ANO4: variants seen among roughly 807,000 people sequenced by gnomAD.
ANO4 encodes anoctamin 4.
A neutral mutation model predicts 141.9 loss-of-function variants in ANO4; 69 were observed. That is an observed-to-expected ratio of 0.49 (90% confidence interval 0.40 to 0.59). The LOEUF (loss-of-function observed/expected upper bound fraction) is 0.59. ANO4 is among the 20% of genes least tolerant of loss of function. ANO4 has a pLI of 0.00. For missense variants in ANO4, 894 were observed against 1,162.2 expected (o/e 0.77, Z 3.36); for synonymous variants, 350 against 394.3 (o/e 0.89, Z 1.33).
intron 7 of ANO4, among the ~76,000 whole-genome samples, chr12:100,982,929 A>G (rs1950372428): frequency 1.3e-5 from 2 of 152,260 alleles, no homozygotes; most frequent in South Asian, 2.1e-4. Flanking sequence ...TAGAGATGAG[A>G]GCACTAAGGT....
At chr12:100,779,814 G>T (rs572944159) in intron 3 of ANO4, among the ~76,000 whole-genome samples, 104 of 152,284 alleles carry the variant, frequency 6.8e-4, no homozygotes, top group Middle Eastern at 3.4e-3. Context: ...CACATAGTAG[G>T]TGCTTGCCAT....
chr12:100,925,246 G>A (rs181709592), intron 3 of ANO4, among the ~76,000 whole-genome samples: 6 of 151,994 alleles, frequency 3.9e-5, no homozygotes, highest in Admixed American at 3.9e-4. Flanking sequence ...CATAAAAATA[G>A]GTAGCTTGGT....
At chr12:100,957,013 A>G (rs979596392) in intron 5 of ANO4, among the ~76,000 whole-genome samples, 8 of 152,260 alleles carry the variant, frequency 5.3e-5, no homozygotes, top group Non-Finnish European at 8.8e-5. Context: ...AGGGAGTTCT[A>G]AATAAACTCT....
intron 1 of ANO4, among the ~76,000 whole-genome samples, chr12:100,838,937 G>A (rs1422962153): frequency 6.6e-6 from 1 of 152,154 alleles, no homozygotes; most frequent in Non-Finnish European, 1.5e-5. Context: ...CCAATGGGCA[G>A]TATAGTTAGA....
At chr12:100,837,437 T>C (rs1191472735) in intron 1 of ANO4, among the ~76,000 whole-genome samples, 1 of 152,152 alleles carries the variant, frequency 6.6e-6, no homozygotes, top group Non-Finnish European at 1.5e-5. Flanking sequence ...TCTGCTATCG[T>C]ATCTTTTAAA....
intron 1 of ANO4, among the ~76,000 whole-genome samples, chr12:100,895,679 A>G (rs2040315664): frequency 6.7e-6 from 1 of 150,014 alleles, no homozygotes; most frequent in Admixed American, 6.6e-5. Context: ...CTCCTGTCTC[A>G]GTCTCCCGAG....
At chr12:100,948,864 A>G (rs550508451) in intron 5 of ANO4, among the ~76,000 whole-genome samples, 10 of 152,308 alleles carry the variant, frequency 6.6e-5, no homozygotes, top group East Asian at 1.9e-4. Flanking sequence ...GACAAATTTA[A>G]TGGGATGTCA....
At chr12:100,881,210 A>G (rs897558086) in intron 1 of ANO4, among the ~76,000 whole-genome samples, 1 of 151,996 alleles carries the variant, frequency 6.6e-6, no homozygotes, top group Non-Finnish European at 1.5e-5. Flanking sequence ...GGTACAGCAC[A>G]CCAACATGGC....
chr12:100,809,702 G>A (rs1422794353), intron 1 of ANO4, among the ~76,000 whole-genome samples: 12 of 152,224 alleles, frequency 7.9e-5, no homozygotes, highest in African/African-American at 2.9e-4. Flanking sequence ...TATGACATGC[G>A]CAAGAGGTTG....
chr12:100,913,510 ATTAG>A (rs145319359), intron 2 of ANO4, among the ~76,000 whole-genome samples: 3,467 of 152,246 alleles, frequency 0.023, 140 homozygotes, highest in African/African-American at 0.079. Flanking sequence ...CTATTTTGTT[ATTAG>A]TTATTGTTAT....
chr12:101,081,550 C>T (rs2049279272), intron 15 of ANO4, among the ~76,000 whole-genome samples: 1 of 152,192 alleles, frequency 6.6e-6, no homozygotes, highest in Non-Finnish European at 1.5e-5. Flanking sequence ...TGTGGAAATG[C>T]CTCACTTCTA....
intron 3 of ANO4, among the ~76,000 whole-genome samples, chr12:100,783,767 C>T (rs947037909): frequency 1.6e-4 from 24 of 152,166 alleles, no homozygotes; most frequent in African/African-American, 5.8e-4. Flanking sequence ...ATATTACTAG[C>T]CCACAACTGC....
At chr12:100,717,332 G>A (rs1300084189), upstream of ANO4, among the ~76,000 whole-genome samples, 1 of 151,342 alleles carries the variant, frequency 6.6e-6, no homozygotes, top group East Asian at 1.9e-4. Flanking sequence ...GGCGCAGCCC[G>A]GCCGGGGGCC....
chr12:101,098,789 T>C (rs886833107), intron 21 of ANO4, among the ~76,000 whole-genome samples: 3 of 152,224 alleles, frequency 2.0e-5, no homozygotes, highest in Non-Finnish European at 4.4e-5. Flanking sequence ...TATCTTCTGA[T>C]AATAAGGACA....
rs959447910 is a variant in ANO4, at chr12:101,075,611, T to A, written c.1313-3582T>A. 2.7e-5 allele frequency among the ~76,000 whole-genome samples: 4 copies of A among 150,526 alleles called. No homozygotes were observed. The Middle Eastern group carries it at 0.014, about 530-fold the overall frequency. On this transcript the variant is annotated intron_variant, in intron 14 of 27. Transcript: ENST00000392977. The stretch of plus-strand genomic sequence containing the variant: ...GAAATACACTTTTTAATCAAACTTA[T>A]CATAGTGCCAGGTAGTATAAGAGAA...
At chr12:101,092,892 G>T (rs2049835417) in intron 17 of ANO4, among the ~76,000 whole-genome samples, 1 of 151,948 alleles carries the variant, frequency 6.6e-6, no homozygotes, top group African/African-American at 2.4e-5. Context: ...TTTTGAGAAA[G>T]GTTGTCTCAT....
At chr12:101,000,040 C>G (rs1374058353) in intron 8 of ANO4, among the ~76,000 whole-genome samples, 1 of 143,334 alleles carries the variant, frequency 7.0e-6, no homozygotes, top group African/African-American at 2.6e-5. Context: ...CAGAGCGAGA[C>G]TCCATCTTAA....
At chr12:100,993,000 T>C (rs1457073856) in intron 8 of ANO4, among the ~76,000 whole-genome samples, 1 of 152,116 alleles carries the variant, frequency 6.6e-6, no homozygotes, top group Non-Finnish European at 1.5e-5. Flanking sequence ...AAGACCAGCC[T>C]AGGCAACAGA....
chr12:100,889,236 T>C (rs1433524420), intron 1 of ANO4, among the ~76,000 whole-genome samples: 3 of 152,116 alleles, frequency 2.0e-5, no homozygotes, highest in Admixed American at 2.0e-4. Context: ...CTGCATAGTA[T>C]TCCATGGTGT....
Sources: gnomAD v4.1 joint callset for allele counts (sites outside exome capture counted in the v4.1 genomes callset) on GRCh38, gnomAD v4.1.1 for gene constraint, MANE v1.5 for transcripts, NCBI Gene and HGNC (gene_info 2026-07-23, HGNC 2026-07-21) for gene names.